Variants in CPNE4 observed in about 807,000 individuals in gnomAD.
The protein encoded by CPNE4 is copine-4.
CPNE4 carries 25 observed loss-of-function variants against 67.9 expected under a neutral mutation model. That is an observed-to-expected ratio of 0.37 (90% CI 0.27 to 0.51). The LOEUF (loss-of-function observed/expected upper bound fraction) is 0.51, where lower values mean the gene tolerates loss of function less well. Ranked by LOEUF, CPNE4 falls within the 20% of genes least tolerant of loss-of-function variation. CPNE4 has a pLI of 0.93. For missense variants in CPNE4, 464 were observed against 690.8 expected (o/e 0.67, Z 3.68); for synonymous variants, 242 against 244.9 (o/e 0.99, Z 0.11).
intron 5 of CPNE4, among the ~76,000 whole-genome samples, chr3:131,689,481 G>T (rs1342030061): frequency 6.6e-6 from 1 of 152,062 alleles, no homozygotes; most frequent in East Asian, 1.9e-4. Flanking sequence ...TAGGAAAAAA[G>T]GTTTTGATAA....
chr3:131,640,769 C>T (rs1043444790), intron 7 of CPNE4, among the ~76,000 whole-genome samples: 2 of 152,176 alleles, frequency 1.3e-5, no homozygotes, highest in South Asian at 4.1e-4. Context: ...TCAAAGTATA[C>T]TATAAGGCCA....
At chr3:131,761,188 G>T (rs1331772195) in intron 2 of CPNE4, among the ~76,000 whole-genome samples, 1 of 148,488 alleles carries the variant, frequency 6.7e-6, no homozygotes, top group Non-Finnish European at 1.5e-5. Flanking sequence ...ATAAGAAAAG[G>T]CTTCTTCCAC....
Position 131,534,983 on chromosome 3 carries a change from G to C in CPNE4, c.*212C>G, listed in dbSNP as rs1407734965. 4.2e-5 allele frequency: 16 copies of C among 382,304 alleles called. No homozygotes were observed. In the East Asian group the frequency reaches 6.3e-4, roughly 15 times the overall value. 23.7% of individuals were successfully genotyped at this position (382,304 alleles called of 1,614,324 possible). Reference sequence around the variant, plus strand: ...AAGTTATTGTTATCTGTGTTTCTTTGTAAAAAGTTAACAATACAAGGGCTT... The same window carrying C: ...AAGTTATTGTTATCTGTGTTTCTTTCTAAAAAGTTAACAATACAAGGGCTT... On this transcript the variant is annotated 3_prime_UTR_variant, in exon 16 of 16. Transcript: ENST00000429747.
At chr3:131,636,317 G>A (rs1028176893) in intron 7 of CPNE4, among the ~76,000 whole-genome samples, 2 of 152,072 alleles carry the variant, frequency 1.3e-5, no homozygotes, top group Admixed American at 6.5e-5. Flanking sequence ...GTGTGAGACC[G>A]GCCTTTAGGA....
intron 5 of CPNE4, among the ~76,000 whole-genome samples, chr3:131,695,609 T>A (rs955785270): frequency 1.3e-5 from 2 of 152,084 alleles, no homozygotes; most frequent in Admixed American, 6.6e-5. Flanking sequence ...TTTCTGAAAT[T>A]TGGGGAGATG....
Position 131,711,626 on chromosome 3 carries a change from C to G in CPNE4, c.361-11646G>C, listed in dbSNP as rs534988627. ...GGAAGGGCCCTTGACGGCTCATGTT[C>G]CATGCAAAACAAAGCTAATTAATTC... On this transcript the variant is annotated intron_variant, in intron 3 of 15. Coordinates refer to ENST00000429747, the MANE Select transcript of CPNE4 (RefSeq NM_130808.3). 4.6e-5 allele frequency among the ~76,000 whole-genome samples: 7 copies of G among 152,252 alleles called. No homozygotes were observed. In the South Asian group the frequency reaches 1.5e-3, roughly 32 times the overall value.
chr3:131,582,090 C>T (rs186702798), intron 8 of CPNE4, among the ~76,000 whole-genome samples: 3 of 152,278 alleles, frequency 2.0e-5, no homozygotes, highest in Admixed American at 6.5e-5. Flanking sequence ...AAGAAATCTG[C>T]AGGAACACAG....
In CPNE4 at chr3:131,535,178, AAAAC is replaced by A; in HGVS notation, c.*13_*16del. ...CAGGAATAGTATTTCAGAACTCTGTAAAACTGTGTGGGGAGTTCATGGTGCTAGT... is the reference window on the plus strand; with the variant it reads ...CAGGAATAGTATTTCAGAACTCTGTATGTGTGGGGAGTTCATGGTGCTAGT... On this transcript the variant is annotated 3_prime_UTR_variant, in exon 16 of 16. Coordinates refer to ENST00000429747, the MANE Select transcript of CPNE4 (RefSeq NM_130808.3). The A allele has an allele frequency of 6.3e-7, 1 of 1,595,376 alleles. No individual in the cohort carries two copies.
chr3:131,847,068 TCTAA>T (rs2086028354), intron 2 of CPNE4, among the ~76,000 whole-genome samples: 1 of 152,132 alleles, frequency 6.6e-6, no homozygotes, highest in Non-Finnish European at 1.5e-5. Flanking sequence ...CCCCTCAGAT[TCTAA>T]CTAACTTGGC....
intron 3 of CPNE4, among the ~76,000 whole-genome samples, chr3:131,705,414 TA>T (rs927043466): frequency 4.4e-4 from 67 of 152,120 alleles, no homozygotes; most frequent in Middle Eastern, 3.2e-3. Flanking sequence ...GAATTGCATG[TA>T]AAAAAAGTTT....
At chr3:131,980,093 T>A (rs1560728273) in intron 1 of CPNE4, among the ~76,000 whole-genome samples, 1 of 152,182 alleles carries the variant, frequency 6.6e-6, no homozygotes, top group Non-Finnish European at 1.5e-5. Flanking sequence ...TTCCTTTACA[T>A]GTTACCTGGT....
intron 9 of CPNE4, among the ~76,000 whole-genome samples, chr3:131,578,612 T>A (rs558710225): frequency 2.2e-4 from 34 of 152,266 alleles, no homozygotes; most frequent in African/African-American, 8.2e-4. Context: ...AACAGCCAAG[T>A]TGTGAATGCA....
At chr3:132,013,930 A>C (rs2073831343) in intron 1 of CPNE4, among the ~76,000 whole-genome samples, 1 of 152,206 alleles carries the variant, frequency 6.6e-6, no homozygotes, top group Non-Finnish European at 1.5e-5. Context: ...GCTTACGATA[A>C]TGCAACCAAT....
intron 2 of CPNE4, among the ~76,000 whole-genome samples, chr3:131,879,657 G>A (rs1377605416): frequency 1.3e-5 from 2 of 152,050 alleles, no homozygotes; most frequent in Admixed American, 6.6e-5. Flanking sequence ...TTCTCAAAAG[G>A]TCTTTTAAAA....
chr3:131,592,021 C>T (rs1224695815), intron 7 of CPNE4, among the ~76,000 whole-genome samples: 1 of 152,152 alleles, frequency 6.6e-6, no homozygotes, highest in Admixed American at 6.5e-5. Flanking sequence ...TTTAAAAATG[C>T]ATAAGCTTGA....
intron 1 of CPNE4, among the ~76,000 whole-genome samples, chr3:131,952,580 GC>G: frequency 1.2e-5 from 1 of 84,376 alleles, no homozygotes. Context: ...GGGGGGGTCA[GC>G]ACCCCGCCCG....
chr3:131,546,109 G>GAGA (rs1678371452), intron 14 of CPNE4, among the ~76,000 whole-genome samples: 1 of 152,032 alleles, frequency 6.6e-6, no homozygotes. Flanking sequence ...AACCACTTCT[G>GAGA]AGAAGGGATC....
At chr3:132,018,903 G>A (rs879413020) in intron 1 of CPNE4, among the ~76,000 whole-genome samples, 3 of 152,156 alleles carry the variant, frequency 2.0e-5, no homozygotes, top group East Asian at 1.9e-4. Flanking sequence ...AGAGTGATTC[G>A]ATTGCTACAG....
intron 2 of CPNE4, among the ~76,000 whole-genome samples, chr3:131,786,144 C>G (rs948746892): frequency 6.6e-6 from 1 of 152,120 alleles, no homozygotes; most frequent in African/African-American, 2.4e-5. Flanking sequence ...GCTTTATGAT[C>G]TGGTCATCAA....
Sources: allele counts gnomAD v4.1 joint callset (sites outside exome capture counted in the v4.1 genomes callset), GRCh38; gene constraint gnomAD v4.1.1; transcripts MANE v1.5; gene names NCBI Gene and HGNC (gene_info 2026-07-23, HGNC 2026-07-21).